Variants in JKAMP observed in about 807,000 individuals in gnomAD.
JKAMP encodes the protein JNK1/MAPK8-associated membrane protein.
In JKAMP, 20 loss-of-function variants were observed where a neutral mutation model predicts 40.2. The ratio of observed to expected loss-of-function variants is 0.50; its 90% CI spans 0.35 to 0.72. The LOEUF is 0.72. Ranked by LOEUF, JKAMP falls within the 30% of genes least tolerant of loss-of-function variation. JKAMP has a pLI of 0.01. For missense variants in JKAMP, 276 were observed against 373.0 expected, an observed-to-expected ratio of 0.74 and a Z score of 2.14; for synonymous variants, 138 against 131.6, an observed-to-expected ratio of 1.05 and a Z score of -0.33.
At chr14:59,485,206 G>C in intron 1 of JKAMP, 6 of 1,403,952 alleles carry the variant, frequency 4.3e-6, no homozygotes, top group Non-Finnish European at 5.9e-6. Flanking sequence ...TGATATTCAC[G>C]TGTATTTATT....
chr14:59,494,592 G>T lies in JKAMP; in HGVS notation c.252-426G>T, dbSNP rs539997074. On this transcript the variant is annotated intron_variant, in intron 3 of 6. Transcript: ENST00000616435. ...TTGGTACATGGTTGCCTCTAAGGGA[G>T]AGACAGAGGTATGGATGGGGAGGAA... Among the ~76,000 whole-genome samples, 5 of 152,340 alleles carry T rather than the reference G, an allele frequency of 3.3e-5. No homozygotes were observed. In the South Asian group the frequency reaches 8.3e-4, roughly 25 times the overall value.
At chr14:59,488,278 G>A (rs1053841245) in intron 3 of JKAMP, among the ~76,000 whole-genome samples, 1 of 152,030 alleles carries the variant, frequency 6.6e-6, no homozygotes, top group Non-Finnish European at 1.5e-5. Flanking sequence ...TTTATGTTTG[G>A]AAGATCAGGG....
At chr14:59,492,853 G>A (rs576174966) in intron 3 of JKAMP, among the ~76,000 whole-genome samples, 41 of 148,822 alleles carry the variant, frequency 2.8e-4, no homozygotes, top group Admixed American at 2.5e-3. Context: ...GCTGGAGTGC[G>A]GTGGTGCGAC....
chr14:59,494,632 C>T (rs573272956), intron 3 of JKAMP, among the ~76,000 whole-genome samples: 2 of 152,292 alleles, frequency 1.3e-5, no homozygotes, highest in African/African-American at 2.4e-5. Context: ...GATGTAGTTA[C>T]AAATTGTTGA....
chr14:59,503,590 T>G (rs2139923689), intron 6 of JKAMP, among the ~76,000 whole-genome samples: 1 of 152,258 alleles, frequency 6.6e-6, no homozygotes. Flanking sequence ...AATGATGGCA[T>G]AGACTAGGAC....
At chr14:59,486,470 G>C (rs555045026) in intron 1 of JKAMP, among the ~76,000 whole-genome samples, 2 of 152,302 alleles carry the variant, frequency 1.3e-5, no homozygotes, top group South Asian at 4.1e-4. Flanking sequence ...GATAGATCCT[G>C]CTCTGCTGGT....
chr14:59,489,965 T>G (rs986161045), intron 3 of JKAMP, among the ~76,000 whole-genome samples: 3 of 152,128 alleles, frequency 2.0e-5, no homozygotes, highest in Non-Finnish European at 4.4e-5. Context: ...GTTTGTCACC[T>G]AGGCTGTATT....
At chr14:59,488,347 T>G (rs1426769419) in intron 3 of JKAMP, among the ~76,000 whole-genome samples, 1 of 152,260 alleles carries the variant, frequency 6.6e-6, no homozygotes, top group African/African-American at 2.4e-5. Flanking sequence ...AGAAAACAAG[T>G]GTGTACATAA....
At chr14:59,487,030 A>C in intron 2 of JKAMP, among the ~76,000 whole-genome samples, 1 of 152,100 alleles carries the variant, frequency 6.6e-6, no homozygotes, top group East Asian at 1.9e-4. Flanking sequence ...GTGAAACCCC[A>C]TCTCTGCTAA....
chr14:59,502,185 T>C (rs1424020600), intron 6 of JKAMP, among the ~76,000 whole-genome samples: 1 of 152,178 alleles, frequency 6.6e-6, no homozygotes, highest in Non-Finnish European at 1.5e-5. Flanking sequence ...GTTACTAATA[T>C]ATTAGTAACT....
At chr14:59,489,036 T>C (rs1360573037) in intron 3 of JKAMP, among the ~76,000 whole-genome samples, 1 of 152,266 alleles carries the variant, frequency 6.6e-6, no homozygotes, top group Non-Finnish European at 1.5e-5. Context: ...TCTCATTGTG[T>C]TGGCTATTAG....
At chr14:59,501,571 A>G (rs1031181481) in intron 6 of JKAMP, among the ~76,000 whole-genome samples, 1 of 152,206 alleles carries the variant, frequency 6.6e-6, no homozygotes, top group Non-Finnish European at 1.5e-5. Flanking sequence ...GTTGAAACTT[A>G]TTAACAGTAT....
intron 3 of JKAMP, among the ~76,000 whole-genome samples, chr14:59,488,981 C>T (rs1019749255): frequency 1.3e-5 from 2 of 152,254 alleles, no homozygotes; most frequent in Non-Finnish European, 2.9e-5. Context: ...GGCCTGTGGT[C>T]GGACAGGCAG....
Position 59,498,808 on chromosome 14 carries a change from A to T in JKAMP, c.540A>T (p.Ala180=). 1 of 1,610,618 alleles carries T rather than the reference A, an allele frequency of 6.2e-7. No homozygotes were observed. The highest frequency in any genetic ancestry group is 8.5e-7 in the Non-Finnish European group (1 of 1,177,146). ...LLRPLLVKKI[A]CGLGKSDRFK... is the part of the protein sequence containing the mutation. ...GACCTCTTCTGGTGAAGAAGATTGC[A>T]TGTGGGTTAGGGAAATCTGATCGAT... The change falls in exon 5 of 7, where the codon GCA becomes GCT. Residue 180 remains alanine, a synonymous_variant. Transcript: ENST00000616435.
intron 5 of JKAMP, among the ~76,000 whole-genome samples, chr14:59,499,706 A>G (rs530250068): frequency 7.1e-6 from 1 of 140,700 alleles, no homozygotes; most frequent in Admixed American, 7.0e-5. Flanking sequence ...TAATTTGGTA[A>G]TATAGTTTGG....
At chr14:59,484,724 C>A in intron 1 of JKAMP, 131 bp downstream of exon 1, 2 of 1,196,414 alleles carry the variant, frequency 1.7e-6, no homozygotes, top group Non-Finnish European at 2.4e-6. Flanking sequence ...TGACCCCGCC[C>A]GCCCTCGGGC....
Position 59,487,834 on chromosome 14 carries a change from C to T in JKAMP, c.251+6C>T, listed in dbSNP as rs1349932666. The T allele has an allele frequency of 1.2e-6, 2 of 1,612,248 alleles. No individual in the cohort carries two copies. The highest frequency in any genetic ancestry group is 4.5e-5 in the East Asian group (2 of 44,772). On this transcript the variant is annotated splice_donor_region_variant and intron_variant, in intron 3 of 6. Transcript: ENST00000616435. ...TGGTACTCGGGGAAAAAGAGGTTAG[C>T]ACATTTCTATGAACATATCTGGCTG...
At chr14:59,501,773 A>G (rs1891901250) in intron 6 of JKAMP, among the ~76,000 whole-genome samples, 1 of 152,186 alleles carries the variant, frequency 6.6e-6, no homozygotes, top group Admixed American at 6.5e-5. Flanking sequence ...TAACATTAAT[A>G]GCCACATTAT....
intron 3 of JKAMP, among the ~76,000 whole-genome samples, chr14:59,490,340 C>G (rs1308575417): frequency 2.0e-5 from 3 of 152,214 alleles, no homozygotes; most frequent in African/African-American, 7.2e-5. Flanking sequence ...CCAAATACTT[C>G]CCACTAGGCC....
Sources: gnomAD v4.1 joint callset for allele counts (sites outside exome capture counted in the v4.1 genomes callset) on GRCh38, gnomAD v4.1.1 for gene constraint, MANE v1.5 for transcripts, NCBI Gene and HGNC (gene_info 2026-07-23, HGNC 2026-07-21) for gene names.